OSMR: variants seen among roughly 807,000 people sequenced by gnomAD.
OSMR encodes the protein oncostatin M receptor.
In OSMR, 81 loss-of-function variants were observed where a neutral mutation model predicts 99.9. The observed-to-expected ratio is 0.81, with a 90% CI of 0.68 to 0.97. OSMR has a LOEUF of 0.97. Among genes scored for constraint, OSMR ranks in the 50% least tolerant of loss-of-function variants. OSMR has a pLI of 0.00. For missense variants in OSMR, 1,099 were observed against 1,153.4 expected (o/e 0.95, Z 0.68); for synonymous variants, 406 against 410.4 (o/e 0.99, Z 0.13).
chr5:38,943,082 G>T, intron 1 of OSMR: 1 of 655,024 alleles, frequency 1.5e-6, no homozygotes, highest in Non-Finnish European at 2.6e-6. Flanking sequence ...TGGATTAGAT[G>T]GCATACTTGG....
chr5:38,905,652 A>C (rs1745178939), intron 9 of OSMR, among the ~76,000 whole-genome samples: 1 of 152,094 alleles, frequency 6.6e-6, no homozygotes, highest in African/African-American at 2.4e-5. Flanking sequence ...AAGTAATTTA[A>C]CTGGTTCAGC....
At chr5:38,863,702 T>C (rs964766674) in intron 1 of OSMR, among the ~76,000 whole-genome samples, 3 of 152,188 alleles carry the variant, frequency 2.0e-5, no homozygotes, top group Non-Finnish European at 4.4e-5. Context: ...TTAAAATCAG[T>C]GTTTCTTTGT....
chr5:38,879,960 A>T (rs865864640), intron 3 of OSMR, among the ~76,000 whole-genome samples: 1 of 152,190 alleles, frequency 6.6e-6, no homozygotes, highest in Non-Finnish European at 1.5e-5. Flanking sequence ...TTAAATAGTG[A>T]GGGTTTCATG....
intron 9 of OSMR, among the ~76,000 whole-genome samples, chr5:38,914,294 C>T (rs1180137810): frequency 1.4e-4 from 22 of 152,240 alleles, no homozygotes; most frequent in Admixed American, 1.1e-3. Flanking sequence ...TTCTCTTGAG[C>T]GTCTCTGTGC....
chr5:38,853,790 T>C (rs913269692), intron 1 of OSMR, among the ~76,000 whole-genome samples: 6 of 152,204 alleles, frequency 3.9e-5, no homozygotes, highest in Non-Finnish European at 8.8e-5. Context: ...TAATTCAATT[T>C]TATAAATCAG....
At position 38,885,470 on chromosome 5, in the gene OSMR, C is replaced by T. The variant is rs745454819; in HGVS notation, c.825C>T (p.Tyr275=). 4.3e-5 allele frequency: 70 copies of T among 1,613,934 alleles called. No individual in the cohort carries two copies. The highest frequency in any genetic ancestry group is 5.3e-5 in the African/African-American group (4 of 74,910). ...LGWSKQPSQS[Y]TLFESFSGEK... is the part of the protein sequence containing the mutation. Reference sequence around the variant, plus strand: ...GGTCTAAACAACCTTCCCAAAGCTACACTTTATTTGAATCGTAAGTTGGCT... The same window carrying T: ...GGTCTAAACAACCTTCCCAAAGCTATACTTTATTTGAATCGTAAGTTGGCT... The change falls in exon 6 of 18, where the codon TAC becomes TAT. Residue 275 remains tyrosine, a synonymous_variant. Transcript: ENST00000274276.
At position 38,925,268 on chromosome 5, in the gene OSMR, C is replaced by T. The variant is rs2289925; in HGVS notation, c.2109C>T (p.Asn703=). The T allele has an allele frequency of 1.5e-3, 2,409 of 1,613,822 alleles. 58 individuals carry two copies. The East Asian group carries it at 0.043, about 29-fold the overall frequency. The change falls in exon 15 of 18, where the codon AAC becomes AAT. Residue 703 remains asparagine (N), a synonymous_variant. Coordinates refer to ENST00000274276, the MANE Select transcript of OSMR (RefSeq NM_003999.3). ...AAGAAAAGGCATTGATTGTGGACAA[C>T]CTAAAGCCAGAATCCTTCTATGAGT... ...NPEEKALIVD[N]LKPESFYEFF...
chr5:38,933,352 G>T lies in OSMR; in HGVS notation c.2848G>T (p.Ala950Ser), dbSNP rs1746871185. The T allele has an allele frequency of 6.2e-7, 1 of 1,614,072 alleles. No individual in the cohort carries two copies. ...CTGTTCAGAGTATAAAATGCAAATGGCAGTCTCCCTGCGTCTTGCCTTGCC... is the reference window on the plus strand; with the variant it reads ...CTGTTCAGAGTATAAAATGCAAATGTCAGTCTCCCTGCGTCTTGCCTTGCC... ...PHCSEYKMQM[A>S]VSLRLALPPP... Residue 950 changes from alanine (A) to serine (S), a missense_variant, in exon 18 of 18, where the codon GCA becomes TCA. Ala to Ser is a moderately conservative substitution (Grantham distance 99, BLOSUM62 1). Transcript: ENST00000274276.
intron 5 of OSMR, among the ~76,000 whole-genome samples, chr5:38,884,333 A>G (rs79511262): frequency 0.025 from 3,841 of 152,260 alleles, 69 homozygotes; most frequent in Non-Finnish European, 0.039. Context: ...CTAGAAATCA[A>G]TAGTATTAAA....
intron 9 of OSMR, among the ~76,000 whole-genome samples, chr5:38,915,864 G>A (rs960533023): frequency 2.0e-5 from 3 of 152,196 alleles, no homozygotes; most frequent in African/African-American, 7.2e-5. Flanking sequence ...TTAAAAATGA[G>A]ATGTGCTGTT....
intron 15 of OSMR, among the ~76,000 whole-genome samples, chr5:38,927,825 T>C (rs1167820493): frequency 6.6e-6 from 1 of 152,222 alleles, no homozygotes; most frequent in Non-Finnish European, 1.5e-5. Flanking sequence ...TTCTTTAGTA[T>C]TGCATGATCA....
chr5:38,918,709 T>C, intron 10 of OSMR, 131 bp from the exon 11 acceptor site: 1 of 1,505,944 alleles, frequency 6.6e-7, no homozygotes, highest in Non-Finnish European at 8.9e-7. Flanking sequence ...TTATTTTCTC[T>C]ATTAAGCTGT....
At position 38,933,623 on chromosome 5, in the gene OSMR, A is replaced by C; in HGVS notation, c.*179A>C. 1.5e-6 allele frequency: 1 copy of C among 648,866 alleles called. No homozygotes were observed. Among genetic ancestry groups the C allele is most frequent in the Non-Finnish European group, 2.7e-6 (1 of 371,332 alleles). 40.2% of individuals were successfully genotyped at this position (648,866 alleles called of 1,614,324 possible). On this transcript the variant is annotated 3_prime_UTR_variant, in exon 18 of 18. Transcript: ENST00000274276. ...GAGGCTATGGAACTTAACACTCCCC[A>C]TTGGAGCAAGCTTGCCCTAGAGACG... is the stretch of plus-strand genomic sequence containing the variant.
intron 1 of OSMR, among the ~76,000 whole-genome samples, chr5:38,847,013 G>A (rs1739894114): frequency 6.6e-6 from 1 of 152,222 alleles, no homozygotes; most frequent in African/African-American, 2.4e-5. Context: ...CACAGTGCTA[G>A]GTGCTGCTGA....
At chr5:38,859,456 A>G (rs1048895207) in intron 1 of OSMR, among the ~76,000 whole-genome samples, 2 of 152,094 alleles carry the variant, frequency 1.3e-5, no homozygotes, top group Non-Finnish European at 2.9e-5. Flanking sequence ...AAATTGGTGT[A>G]TGTGTCTGTT....
chr5:38,852,963 C>T (rs1301346629), intron 1 of OSMR, among the ~76,000 whole-genome samples: 2 of 151,656 alleles, frequency 1.3e-5, no homozygotes, highest in African/African-American at 2.4e-5. Context: ...GATCTCCTGA[C>T]CTCGTGATCC....
chr5:38,876,142 T>C, intron 2 of OSMR, 59 bp from the exon 3 acceptor site: 1 of 1,587,686 alleles, frequency 6.3e-7, no homozygotes, highest in South Asian at 1.1e-5. Context: ...TAATTATTTC[T>C]GACTCTTCAA....
downstream of OSMR, chr5:38,940,244 G>GGT (rs1180186791): frequency 7.0e-5 from 16 of 228,156 alleles, no homozygotes; most frequent in Non-Finnish European, 1.2e-4. Context: ...TGGGGGAGGG[G>GGT]GTGTGTGTGT....
chr5:38,847,990 T>A (rs1425228621), intron 1 of OSMR, among the ~76,000 whole-genome samples: 4 of 152,188 alleles, frequency 2.6e-5, no homozygotes, highest in Non-Finnish European at 5.9e-5. Context: ...GCAGAGGTGT[T>A]CCTGGATCTC....
Sources: gnomAD v4.1 joint callset for allele counts (sites outside exome capture counted in the v4.1 genomes callset) on GRCh38, gnomAD v4.1.1 for gene constraint, MANE v1.5 for transcripts, NCBI Gene and HGNC (gene_info 2026-07-23, HGNC 2026-07-21) for gene names.